CAPZB: variants seen among roughly 807,000 people sequenced by gnomAD.
CAPZB encodes the protein F-actin-capping protein subunit beta.
Under a neutral mutation model 38.1 loss-of-function variants are expected in CAPZB, and 2 were observed. That is an observed-to-expected ratio of 0.05 (90% CI 0.02 to 0.17). The LOEUF is 0.17. CAPZB is among the 10% of genes least tolerant of loss of function. The probability of loss-of-function intolerance (pLI) is 1.00; values close to 1 mark genes in which losing one functional copy is unlikely to be tolerated. For missense variants in CAPZB, 161 were observed against 334.2 expected (o/e 0.48, Z 4.04); for synonymous variants, 107 against 127.4 (o/e 0.84, Z 1.08).
intron 4 of CAPZB, chr1:19,374,510 C>T (rs2094135175): frequency 6.6e-6 from 1 of 152,396 alleles, no homozygotes; most frequent in Non-Finnish European, 1.5e-5. Context: ...CAACCCCCAA[C>T]CACCAGGGGC....
At chr1:19,454,661 G>C (rs883961) in intron 1 of CAPZB, among the ~76,000 whole-genome samples, 37,922 of 152,044 alleles carry the variant, frequency 0.25, 4,874 homozygotes, top group Non-Finnish European at 0.27. Context: ...TAGGCTGCCT[G>C]AGTGCAAGCT....
chr1:19,444,563 CATCT>C (rs1360204360), intron 1 of CAPZB, among the ~76,000 whole-genome samples: 1 of 152,212 alleles, frequency 6.6e-6, no homozygotes, highest in African/African-American at 2.4e-5. Flanking sequence ...AGGACCCTGC[CATCT>C]TCCCAGGCCC....
At chr1:19,346,726 C>A (rs1337093504) in intron 6 of CAPZB, among the ~76,000 whole-genome samples, 2 of 150,472 alleles carry the variant, frequency 1.3e-5, no homozygotes, top group Non-Finnish European at 3.0e-5. Flanking sequence ...AACCAAGCCA[C>A]TTTAAACGAC....
chr1:19,473,635 A>G (rs1462691925), intron 1 of CAPZB, among the ~76,000 whole-genome samples: 1 of 152,216 alleles, frequency 6.6e-6, no homozygotes, highest in Non-Finnish European at 1.5e-5. Context: ...AGGCCGAGGC[A>G]GGTGGATCAC....
chr1:19,339,808 C>A (rs2093918168), intron 8 of CAPZB, among the ~76,000 whole-genome samples, 191 bp from the exon 9 acceptor site: 1 of 152,228 alleles, frequency 6.6e-6, no homozygotes, highest in Non-Finnish European at 1.5e-5. Context: ...CCGAGACCTG[C>A]ACCCTCTGCA....
intron 1 of CAPZB, among the ~76,000 whole-genome samples, chr1:19,456,324 T>C (rs932000118): frequency 6.6e-6 from 1 of 152,182 alleles, no homozygotes; most frequent in Non-Finnish European, 1.5e-5. Context: ...TTTAAAATAA[T>C]CTGAATACTA....
chr1:19,406,765 G>A (rs1184430646), intron 2 of CAPZB, among the ~76,000 whole-genome samples: 1 of 152,170 alleles, frequency 6.6e-6, no homozygotes, highest in Non-Finnish European at 1.5e-5. Context: ...ACAGTACCTG[G>A]CACACGATAG....
intron 2 of CAPZB, among the ~76,000 whole-genome samples, chr1:19,410,238 A>G (rs2094351391): frequency 6.6e-6 from 1 of 152,202 alleles, no homozygotes; most frequent in Non-Finnish European, 1.5e-5. Context: ...AGCATAAATC[A>G]GTTAGAACAG....
At chr1:19,360,311 C>T (rs1250207605) in intron 4 of CAPZB, among the ~76,000 whole-genome samples, 1 of 152,194 alleles carries the variant, frequency 6.6e-6, no homozygotes, top group African/African-American at 2.4e-5. Flanking sequence ...AGCAGCCCCA[C>T]ATCAAAAGAG....
At chr1:19,422,789 G>C (rs1448614934) in intron 1 of CAPZB, among the ~76,000 whole-genome samples, 1 of 151,826 alleles carries the variant, frequency 6.6e-6, no homozygotes, top group Non-Finnish European at 1.5e-5. Context: ...AAAAATTTCT[G>C]GTCTTCAGAA....
intron 1 of CAPZB, among the ~76,000 whole-genome samples, chr1:19,475,394 G>C (rs1000241218): frequency 6.6e-6 from 1 of 152,158 alleles, no homozygotes; most frequent in Non-Finnish European, 1.5e-5. Flanking sequence ...AAAGCCACCA[G>C]TGTGACTTCA....
chr1:19,411,796 T>A (rs915787710), intron 2 of CAPZB, among the ~76,000 whole-genome samples: 1 of 152,200 alleles, frequency 6.6e-6, no homozygotes, highest in Non-Finnish European at 1.5e-5. Flanking sequence ...CCACTTCCTC[T>A]TTCTAAGCAA....
intron 4 of CAPZB, among the ~76,000 whole-genome samples, chr1:19,365,257 CT>C (rs2094077133): frequency 2.0e-5 from 3 of 152,180 alleles, no homozygotes; most frequent in African/African-American, 4.8e-5. Context: ...ACAGATCACT[CT>C]CGTAGACATG....
intron 4 of CAPZB, among the ~76,000 whole-genome samples, chr1:19,378,257 C>T (rs1360643139): frequency 6.6e-6 from 1 of 152,172 alleles, no homozygotes; most frequent in African/African-American, 2.4e-5. Flanking sequence ...TTATGAATCA[C>T]GATGCAGGGG....
chr1:19,434,870 G>A (rs954430138), intron 1 of CAPZB, among the ~76,000 whole-genome samples: 4 of 151,994 alleles, frequency 2.6e-5, no homozygotes, highest in Non-Finnish European at 4.4e-5. Flanking sequence ...AGTGAGCCAC[G>A]ATTGTGCCAC....
intron 1 of CAPZB, among the ~76,000 whole-genome samples, chr1:19,423,971 C>G (rs577504260): frequency 6.6e-6 from 1 of 152,084 alleles, no homozygotes; most frequent in Non-Finnish European, 1.5e-5. Flanking sequence ...GCCACCATGC[C>G]CAGCCAATTT....
chr1:19,371,794 C>T (rs1393833800), intron 4 of CAPZB, among the ~76,000 whole-genome samples: 2 of 152,240 alleles, frequency 1.3e-5, no homozygotes, highest in Non-Finnish European at 2.9e-5. Context: ...GGGTCTGGGG[C>T]TGGGAACCTG....
chr1:19,380,693 T>C (rs776457024), intron 3 of CAPZB, among the ~76,000 whole-genome samples: 5 of 152,218 alleles, frequency 3.3e-5, no homozygotes, highest in Non-Finnish European at 5.9e-5. Context: ...GTGACCGGTA[T>C]GACCAAGAGA....
intron 4 of CAPZB, among the ~76,000 whole-genome samples, chr1:19,358,572 T>C (rs2094034465): frequency 1.3e-5 from 2 of 152,236 alleles, no homozygotes; most frequent in Admixed American, 6.5e-5. Context: ...GGTCAACTAC[T>C]GTGGCTCACT....
Sources: gnomAD v4.1 joint callset for allele counts (sites outside exome capture counted in the v4.1 genomes callset) on GRCh38, gnomAD v4.1.1 for gene constraint, MANE v1.5 for transcripts, NCBI Gene and HGNC (gene_info 2026-07-23, HGNC 2026-07-21) for gene names.